DLG2: variants seen among roughly 807,000 people sequenced by gnomAD.
DLG2 encodes discs large MAGUK scaffold protein 2, also known as disks large homolog 2.
A neutral mutation model predicts 132.5 loss-of-function variants in DLG2; 45 were observed. The observed-to-expected ratio is 0.34, with a 90% confidence interval of 0.27 to 0.44. The LOEUF (loss-of-function observed/expected upper bound fraction) is 0.44, where lower values mean the gene tolerates loss of function less well. Ranked by LOEUF, DLG2 falls within the 20% of genes least tolerant of loss-of-function variation. The pLI is 1.00. For synonymous variants in DLG2, 424 were observed against 419.6 expected, an observed-to-expected ratio of 1.01 and a Z score of -0.13; for missense variants, 1,045 against 1,196.9, an observed-to-expected ratio of 0.87 and a Z score of 1.87.
At chr11:84,932,419 C>T (rs1376417683) in intron 6 of DLG2, among the ~76,000 whole-genome samples, 1 of 152,102 alleles carries the variant, frequency 6.6e-6, no homozygotes. Context: ...GTTCCGGATA[C>T]ATGTGCAGAA....
At chr11:84,250,766 A>C (rs936168280) in intron 8 of DLG2, among the ~76,000 whole-genome samples, 5 of 152,212 alleles carry the variant, frequency 3.3e-5, no homozygotes, top group African/African-American at 1.2e-4. Flanking sequence ...ATAAAACCAT[A>C]ACTTTCATTA....
chr11:83,535,452 C>T (rs2095856997), intron 20 of DLG2, among the ~76,000 whole-genome samples: 1 of 152,148 alleles, frequency 6.6e-6, no homozygotes, highest in Non-Finnish European at 1.5e-5. Flanking sequence ...CCCTGCCCTG[C>T]ACCCCAACCC....
At chr11:85,081,403 TAA>T (rs2154171829) in intron 6 of DLG2, among the ~76,000 whole-genome samples, 1 of 152,268 alleles carries the variant, frequency 6.6e-6, no homozygotes, top group Non-Finnish European at 1.5e-5. Flanking sequence ...GCCTCAGAAG[TAA>T]AAGTTTTACT....
chr11:85,089,683 T>C (rs2068459210), intron 6 of DLG2, among the ~76,000 whole-genome samples: 1 of 152,170 alleles, frequency 6.6e-6, no homozygotes, highest in African/African-American at 2.4e-5. Context: ...AGTTCCAATT[T>C]TAGTTATTTG....
rs527569473 is a variant in DLG2 at position 83,851,516 on chromosome 11, A to G, written c.1566-17746T>C. 1.6e-3 allele frequency among the ~76,000 whole-genome samples: 245 copies of G among 151,882 alleles called. 2 individuals carry two copies. Among genetic ancestry groups the G allele is most frequent in the Non-Finnish European group, 2.8e-3 (189 of 67,962 alleles). ...GTGGCAGGCACCTGTAATCCCAGCT[A>G]CTCGGGAGGCTGAGGCAGGAGAATT... On this transcript the variant is annotated intron_variant, in intron 16 of 27. Coordinates refer to ENST00000376104, the MANE Select transcript of DLG2 (RefSeq NM_001142699.3).
intron 3 of DLG2, among the ~76,000 whole-genome samples, chr11:85,529,839 A>C (rs1046927819): frequency 6.6e-6 from 1 of 152,226 alleles, no homozygotes; most frequent in Non-Finnish European, 1.5e-5. Context: ...CCAGACAAGG[A>C]GATGAGTTTG....
intron 3 of DLG2, among the ~76,000 whole-genome samples, chr11:85,317,664 A>G (rs1208375389): frequency 1.3e-5 from 2 of 151,928 alleles, no homozygotes; most frequent in Non-Finnish European, 2.9e-5. Context: ...TAGGGACTGA[A>G]CAAAATAATA....
At chr11:85,520,640 C>G (rs1483336738) in intron 3 of DLG2, among the ~76,000 whole-genome samples, 1 of 151,288 alleles carries the variant, frequency 6.6e-6, no homozygotes, top group Non-Finnish European at 1.5e-5. Context: ...ACCAAAACAG[C>G]ATGGTATTGG....
intron 6 of DLG2, among the ~76,000 whole-genome samples, chr11:84,563,654 T>A (rs1210198618): frequency 6.6e-6 from 1 of 152,228 alleles, no homozygotes; most frequent in Non-Finnish European, 1.5e-5. Flanking sequence ...TCGGTCTTGT[T>A]CTTACACTCA....
At position 84,923,691 on chromosome 11, in the gene DLG2, C is replaced by A. The variant is rs577274807; in HGVS notation, c.357+187970G>T. 3 of 551,568 alleles carry A rather than the reference C, an allele frequency of 5.4e-6. No individual in the cohort carries two copies. The South Asian group carries it at 2.4e-4, about 44-fold the overall frequency. 34.2% of individuals were successfully genotyped at this position (551,568 alleles called of 1,614,324 possible). On this transcript the variant is annotated intron_variant, in intron 6 of 27. Transcript: ENST00000376104. The stretch of plus-strand genomic sequence containing the variant: ...CTGTTTGGCAAATACTACAAATCAC[C>A]GCAAGCATGTCTCATTCTGCTTCTC...
chr11:84,336,357 C>A (rs553850298), intron 7 of DLG2, among the ~76,000 whole-genome samples: 4 of 152,220 alleles, frequency 2.6e-5, no homozygotes, highest in Non-Finnish European at 5.9e-5. Context: ...AGCCCAGTGT[C>A]TTTTGGACTT....
chr11:85,401,069 C>T (rs1828315), intron 3 of DLG2, among the ~76,000 whole-genome samples: 5,289 of 151,564 alleles, frequency 0.035, 145 homozygotes, highest in Admixed American at 0.049. Context: ...CCCTGATGAA[C>T]ATTGATGTGA....
intron 10 of DLG2, among the ~76,000 whole-genome samples, chr11:84,086,657 T>C (rs2096987795): frequency 6.6e-6 from 1 of 151,854 alleles, no homozygotes; most frequent in Non-Finnish European, 1.5e-5. Flanking sequence ...ACCTGGCTAA[T>C]TTTTGTATTT....
chr11:83,548,018 T>G (rs1256420153), intron 19 of DLG2, among the ~76,000 whole-genome samples: 1 of 152,082 alleles, frequency 6.6e-6, no homozygotes, highest in Non-Finnish European at 1.5e-5. Context: ...CTTATGGAAA[T>G]CTGGACTTGG....
intron 11 of DLG2, among the ~76,000 whole-genome samples, chr11:83,996,945 T>C (rs2094063366): frequency 6.6e-6 from 1 of 152,042 alleles, no homozygotes; most frequent in Non-Finnish European, 1.5e-5. Flanking sequence ...TAACTTAATA[T>C]TTAAAAATAA....
At chr11:85,108,549 C>G (rs2152309405) in intron 6 of DLG2, among the ~76,000 whole-genome samples, 1 of 80,946 alleles carries the variant, frequency 1.2e-5, no homozygotes, top group South Asian at 3.8e-4. Flanking sequence ...GAGTTAACCG[C>G]CCATTTTTTT....
At chr11:84,231,291 T>A (rs2097090049) in intron 8 of DLG2, among the ~76,000 whole-genome samples, 1 of 152,190 alleles carries the variant, frequency 6.6e-6, no homozygotes, top group African/African-American at 2.4e-5. Context: ...GGATCTTAAC[T>A]ATGGAGCACC....
intron 6 of DLG2, among the ~76,000 whole-genome samples, chr11:84,755,558 G>A (rs1006956684): frequency 6.6e-6 from 1 of 152,172 alleles, no homozygotes; most frequent in Non-Finnish European, 1.5e-5. Flanking sequence ...CAAGTAGCTG[G>A]GACTACAGGC....
chr11:84,860,340 G>A (rs1253292323), intron 6 of DLG2, among the ~76,000 whole-genome samples: 1 of 152,156 alleles, frequency 6.6e-6, no homozygotes, highest in African/African-American at 2.4e-5. Context: ...TCCCAGTGGG[G>A]ACAAGTACAA....
Sources: gnomAD v4.1 joint callset for allele counts (sites outside exome capture counted in the v4.1 genomes callset) on GRCh38, gnomAD v4.1.1 for gene constraint, MANE v1.5 for transcripts, NCBI Gene and HGNC (gene_info 2026-07-23, HGNC 2026-07-21) for gene names.